Variants in LPP observed in about 807,000 individuals in gnomAD.
LPP encodes LIM domain containing preferred translocation partner in lipoma, also known as lipoma-preferred partner.
In LPP, 38 loss-of-function variants were observed where a neutral mutation model predicts 60.4. That is an observed-to-expected ratio of 0.63 (90% confidence interval 0.49 to 0.83). The LOEUF (loss-of-function observed/expected upper bound fraction) is 0.83, where lower values mean the gene tolerates loss of function less well. Ranked by LOEUF, LPP falls within the 40% of genes least tolerant of loss-of-function variation. The pLI, the probability that LPP is intolerant of heterozygous loss-of-function variation, is 0.00. For synonymous variants in LPP, 328 were observed against 290.8 expected, an observed-to-expected ratio of 1.13 and a Z score of -1.30; for missense variants, 902 against 783.6, an observed-to-expected ratio of 1.15 and a Z score of -1.80.
chr3:188,225,180 C>T (rs923697618), intron 1 of LPP, among the ~76,000 whole-genome samples: 2 of 152,064 alleles, frequency 1.3e-5, no homozygotes, highest in Non-Finnish European at 2.9e-5. Context: ...AAGCTGTTTT[C>T]CCAGGAGAAC....
intron 6 of LPP, among the ~76,000 whole-genome samples, chr3:188,592,346 GCACACAGTCACACACACACACATA>G (rs890662551): frequency 6.6e-6 from 1 of 150,628 alleles, no homozygotes; most frequent in Admixed American, 6.6e-5. Context: ...AAACACACAC[GCACACAGTCACACACACACACATA>G]CACACAGTCA....
At chr3:188,344,270 A>G (rs12152347) in intron 3 of LPP, among the ~76,000 whole-genome samples, 17,894 of 152,232 alleles carry the variant, frequency 0.12, 1,468 homozygotes, top group East Asian at 0.32. Context: ...AAACAGTCCT[A>G]GTCTGCTTTA....
chr3:188,813,533 C>T (rs1751656285), intron 9 of LPP, among the ~76,000 whole-genome samples: 1 of 152,132 alleles, frequency 6.6e-6, no homozygotes. Flanking sequence ...TTAATCACTA[C>T]TCGTGTTTAT....
In LPP at chr3:188,871,001, TG is replaced by T. The variant is rs566508274; in HGVS notation, c.1590-1640del. On this transcript the variant is annotated intron_variant, in intron 10 of 11. Coordinates refer to ENST00000617246, the MANE Select transcript of LPP (RefSeq NM_001375462.1). The stretch of plus-strand genomic sequence containing the variant: ...CTTTTTTTTTCTGCACCAGTCACAG[TG>T]GTTGTTCCTGGAGACTCAGAGATGG... 4.5e-3 allele frequency among the ~76,000 whole-genome samples: 692 copies of T among 152,228 alleles called. 3 individuals carry two copies. The highest frequency in any genetic ancestry group is 0.016 in the African/African-American group (670 of 41,526).
intron 3 of LPP, among the ~76,000 whole-genome samples, chr3:188,388,648 G>A (rs1162682787): frequency 6.6e-6 from 1 of 152,184 alleles, no homozygotes; most frequent in African/African-American, 2.4e-5. Flanking sequence ...CAGCGTTAAT[G>A]AAAAACTTAC....
intron 6 of LPP, among the ~76,000 whole-genome samples, chr3:188,544,177 T>C (rs1825933800): frequency 6.6e-6 from 1 of 152,188 alleles, no homozygotes; most frequent in Non-Finnish European, 1.5e-5. Flanking sequence ...GGCTGAACAA[T>C]GAGTTGGAAC....
chr3:188,481,584 T>TA (rs1176378277), intron 4 of LPP, among the ~76,000 whole-genome samples: 2 of 152,198 alleles, frequency 1.3e-5, no homozygotes, highest in Non-Finnish European at 2.9e-5. Context: ...TAAAGAAGGA[T>TA]ATATTTGGAA....
intron 3 of LPP, among the ~76,000 whole-genome samples, chr3:188,377,656 C>T (rs1346150937): frequency 6.6e-6 from 1 of 151,984 alleles, no homozygotes; most frequent in Non-Finnish European, 1.5e-5. Context: ...TTTGAATTTC[C>T]TCCTGTAGCT....
At chr3:188,483,193 T>C (rs73890512) in intron 4 of LPP, among the ~76,000 whole-genome samples, 1,689 of 152,300 alleles carry the variant, frequency 0.011, 33 homozygotes, top group African/African-American at 0.038. Context: ...ACCTGACAGT[T>C]CTTGGCTTAG....
intron 6 of LPP, among the ~76,000 whole-genome samples, chr3:188,534,806 G>A (rs1178062052): frequency 6.6e-6 from 1 of 152,132 alleles, no homozygotes; most frequent in African/African-American, 2.4e-5. Flanking sequence ...GTTGGAGGTG[G>A]TTAATAACTC....
Position 188,889,178 on chromosome 3 carries a change from C to T in LPP, c.*14699C>T, listed in dbSNP as rs548533134. On this transcript the variant is annotated 3_prime_UTR_variant, in exon 12 of 12. Coordinates refer to ENST00000617246, the MANE Select transcript of LPP (RefSeq NM_001375462.1). ...TCCTTGCCAGATCCTTAGAGCATTA[C>T]TTTGACTCCTAAAAATAGTAGTGTA... 10 of 228,490 alleles carry T rather than the reference C, an allele frequency of 4.4e-5. No individual in the cohort carries two copies. The South Asian group carries it at 1.8e-3, about 42-fold the overall frequency. 14.2% of individuals were successfully genotyped at this position (228,490 alleles called of 1,614,324 possible).
chr3:188,384,301 T>G (rs1209316853), intron 3 of LPP, among the ~76,000 whole-genome samples: 1 of 148,968 alleles, frequency 6.7e-6, no homozygotes, highest in Admixed American at 6.8e-5. Context: ...TCTGTTTGCC[T>G]TTTTAGTTAT....
At chr3:188,372,962 G>A (rs577776760) in intron 3 of LPP, among the ~76,000 whole-genome samples, 1 of 151,856 alleles carries the variant, frequency 6.6e-6, no homozygotes, top group South Asian at 2.1e-4. Context: ...GCGGTGTTTG[G>A]TTTTTTGTCC....
At chr3:188,503,829 T>C (rs1320388864) in intron 5 of LPP, among the ~76,000 whole-genome samples, 1 of 152,232 alleles carries the variant, frequency 6.6e-6, no homozygotes, top group Non-Finnish European at 1.5e-5. Flanking sequence ...ATCCCTTGTA[T>C]GTGATGAGTC....
intron 4 of LPP, among the ~76,000 whole-genome samples, chr3:188,431,159 C>A (rs1433477668): frequency 1.3e-5 from 2 of 152,108 alleles, no homozygotes; most frequent in Non-Finnish European, 2.9e-5. Context: ...TAGAAAACAG[C>A]CAGCCCAAGG....
At chr3:188,196,808 C>G (rs1383384587) in intron 1 of LPP, among the ~76,000 whole-genome samples, 4 of 152,162 alleles carry the variant, frequency 2.6e-5, no homozygotes, top group Non-Finnish European at 5.9e-5. Context: ...TGATCTTGTG[C>G]TCTAGGAATA....
In LPP at chr3:188,352,123, G is replaced by A. The variant is rs755313470; in HGVS notation, c.-10+10404G>A. 4.6e-5 allele frequency among the ~76,000 whole-genome samples: 7 copies of A among 152,072 alleles called. No homozygotes were observed. Among genetic ancestry groups the A allele is most frequent in the African/African-American group, 1.4e-4 (6 of 41,396 alleles). ...TCTCCTGACTTAACCTTGGGTGGCCGCAGGTCTTAAGGCTCTGTGATGGCA... is the reference window on the plus strand; with the variant it reads ...TCTCCTGACTTAACCTTGGGTGGCCACAGGTCTTAAGGCTCTGTGATGGCA... On this transcript the variant is annotated intron_variant, in intron 3 of 11. Transcript: ENST00000617246. The surrounding 1 kb of genome is among the most constrained non-coding windows in gnomAD (Gnocchi z 4.4).
At chr3:188,268,308 A>C (rs1736363917) in intron 2 of LPP, among the ~76,000 whole-genome samples, 1 of 152,210 alleles carries the variant, frequency 6.6e-6, no homozygotes, top group South Asian at 2.1e-4. Context: ...AAAAACACAA[A>C]ACCAAAACAA....
intron 7 of LPP, among the ~76,000 whole-genome samples, chr3:188,630,901 T>C (rs1847744065): frequency 6.6e-6 from 1 of 152,186 alleles, no homozygotes; most frequent in Non-Finnish European, 1.5e-5. Context: ...GAGGCCATTA[T>C]TCTTAGCAAA....
Sources: gnomAD v4.1 joint callset for allele counts (sites outside exome capture counted in the v4.1 genomes callset) on GRCh38, gnomAD v4.1.1 for gene constraint, Gnocchi (gnomAD v3.1) non-coding constraint, MANE v1.5 for transcripts, NCBI Gene and HGNC (gene_info 2026-07-23, HGNC 2026-07-21) for gene names.